PTPRF: variants seen among roughly 807,000 people sequenced by gnomAD.
PTPRF encodes protein tyrosine phosphatase receptor type F, also known as receptor-type tyrosine-protein phosphatase F.
A neutral mutation model predicts 201.8 loss-of-function variants in PTPRF; 59 were observed. The ratio of observed to expected loss-of-function variants is 0.29; its 90% CI spans 0.24 to 0.36. PTPRF has a LOEUF of 0.36. Ranked by LOEUF, PTPRF falls within the 10% of genes least tolerant of loss-of-function variation. PTPRF has a pLI of 1.00. For synonymous variants in PTPRF, 1,088 were observed against 1,089.7 expected (o/e 1.00, Z 0.03); for missense variants, 2,132 against 2,690.5 (o/e 0.79, Z 4.59).
At chr1:43,565,629 C>T (rs1646110676) in intron 5 of PTPRF, among the ~76,000 whole-genome samples, 1 of 152,096 alleles carries the variant, frequency 6.6e-6, no homozygotes, top group South Asian at 2.1e-4. Context: ...GTAGTGCAGA[C>T]GCCCCCGGCG....
intron 9 of PTPRF, 55 bp downstream of exon 9, chr1:43,591,608 T>C (rs779554050): frequency 2.4e-4 from 362 of 1,493,382 alleles, no homozygotes; most frequent in Non-Finnish European, 3.1e-4. Context: ...GAGGCTGAGG[T>C]TGTGGCGGTG....
rs540387262 is a variant in PTPRF, at chr1:43,547,648, C to T, written c.91+2482C>T. Among the ~76,000 whole-genome samples, 4 of 152,342 alleles carry T rather than the reference C, an allele frequency of 2.6e-5. No individual in the cohort carries two copies. In the East Asian group the frequency reaches 5.8e-4, roughly 22 times the overall value. ...AATTGACAGCTGGGGCAGTGAAGCGCGGAGTGGACAAATGTGTTTCAATAG... is the reference window on the plus strand; with the variant it reads ...AATTGACAGCTGGGGCAGTGAAGCGTGGAGTGGACAAATGTGTTTCAATAG... On this transcript the variant is annotated intron_variant, in intron 3 of 33. Transcript: ENST00000359947.
chr1:43,523,417 G>A (rs527290980), upstream of PTPRF, among the ~76,000 whole-genome samples: 4 of 152,148 alleles, frequency 2.6e-5, no homozygotes, highest in Admixed American at 2.6e-4. Flanking sequence ...CAAGGCATGG[G>A]CGTCGAGGGA....
intron 2 of PTPRF, among the ~76,000 whole-genome samples, chr1:43,543,826 G>A (rs988994970): frequency 1.3e-5 from 2 of 152,190 alleles, no homozygotes; most frequent in African/African-American, 2.4e-5. Flanking sequence ...CGTGTTCACC[G>A]TCATGCACTC....
intron 26 of PTPRF, 90 bp downstream of exon 26, chr1:43,618,839 G>A (rs1015184938): frequency 3.2e-6 from 5 of 1,542,012 alleles, no homozygotes; most frequent in Admixed American, 1.8e-5. Flanking sequence ...GGAAGCTGGA[G>A]CCTGGGTGTT....
chr1:43,557,998 C>A (rs1297329055), intron 5 of PTPRF, among the ~76,000 whole-genome samples: 2 of 152,172 alleles, frequency 1.3e-5, no homozygotes, highest in Non-Finnish European at 2.9e-5. Flanking sequence ...CCTCCCCTCC[C>A]TCCTAGGAGG....
chr1:43,604,512 G>A (rs904659581), intron 16 of PTPRF, among the ~76,000 whole-genome samples: 3 of 152,048 alleles, frequency 2.0e-5, no homozygotes, highest in Admixed American at 1.3e-4. Context: ...ATCTCTTGGG[G>A]CCATGACCCA....
intron 23 of PTPRF, 99 bp downstream of exon 23, chr1:43,613,814 G>A: frequency 9.3e-7 from 1 of 1,077,750 alleles, no homozygotes; most frequent in Non-Finnish European, 1.4e-6. Flanking sequence ...GAGGAAGCAG[G>A]GGTCCAGCTT....
At chr1:43,556,045 C>T (rs916661160) in intron 5 of PTPRF, among the ~76,000 whole-genome samples, 3 of 152,204 alleles carry the variant, frequency 2.0e-5, no homozygotes, top group Non-Finnish European at 4.4e-5. Context: ...CTTTCCTGCA[C>T]ATCTTCCCCA....
intron 11 of PTPRF, among the ~76,000 whole-genome samples, chr1:43,596,829 C>A (rs774373107): frequency 6.6e-6 from 1 of 152,186 alleles, no homozygotes; most frequent in Non-Finnish European, 1.5e-5. Context: ...TTGTGTGAGA[C>A]AGCATATGTG....
At position 43,619,743 on chromosome 1, in the gene PTPRF, T is replaced by C; in HGVS notation, c.4996T>C (p.Phe1666Leu). The C allele has an allele frequency of 6.2e-7, 1 of 1,614,206 alleles. No individual in the cohort carries two copies. Among genetic ancestry groups the C allele is most frequent in the Admixed American group, 1.7e-5 (1 of 60,028 alleles). ...CAGCGCCAACCTGCCCTGCAACAAG[T>C]TCAAGAACCGGCTGGTGAACATCAT... ...FISANLPCNKFKNRLVNIMPY... is the reference protein window; with the variant it reads ...FISANLPCNKLKNRLVNIMPY... Residue 1666 changes from phenylalanine (F) to leucine (L), a missense_variant, in exon 29 of 34, where the codon TTC (phenylalanine) becomes CTC (leucine). Phe to Leu is a conservative substitution (Grantham distance 22). Around this residue, in one of 6 missense-constraint regions of PTPRF, gnomAD observed 519 missense variants for 659.5 expected, o/e 0.79. Transcript: ENST00000359947.
At chr1:43,599,458 G>A (rs1653200668) in intron 13 of PTPRF, among the ~76,000 whole-genome samples, 1 of 152,182 alleles carries the variant, frequency 6.6e-6, no homozygotes, top group Non-Finnish European at 1.5e-5. Context: ...TAGAGAGAGT[G>A]CTCCAGGGCT....
intron 2 of PTPRF, 126 bp downstream of exon 2, chr1:43,538,403 A>T: frequency 7.6e-6 from 3 of 396,994 alleles, no homozygotes; most frequent in Middle Eastern, 6.3e-4. Flanking sequence ...AGGGGGCATG[A>T]CATGATCCAG....
chr1:43,575,745 T>C (rs1215269506), intron 6 of PTPRF, among the ~76,000 whole-genome samples: 1 of 152,134 alleles, frequency 6.6e-6, no homozygotes, highest in African/African-American at 2.4e-5. Flanking sequence ...CTCTGCCTGC[T>C]TGCTCACACA....
chr1:43,530,258 T>C (rs190722754), upstream of PTPRF, among the ~76,000 whole-genome samples: 5 of 152,062 alleles, frequency 3.3e-5, no homozygotes, highest in Non-Finnish European at 7.4e-5. This position sits in a 1 kb window ranked among gnomAD's most constrained non-coding sequence, Gnocchi z 4.1. Context: ...TGGAGTTTTA[T>C]GTAAGGCTTG....
intron 2 of PTPRF, among the ~76,000 whole-genome samples, chr1:43,539,908 C>T (rs1644257054): frequency 2.6e-5 from 4 of 152,266 alleles, no homozygotes; most frequent in Admixed American, 2.6e-4. Context: ...ACTCTGAGAT[C>T]CTGAGGCCAG....
chr1:43,619,291 G>C lies in PTPRF; in HGVS notation c.4650G>C (p.Ala1550=), dbSNP rs777794911. ...DAGPMVVHCS[A]GVGRTGCFIV... is the part of the protein sequence containing the mutation. ...AAGCTGAGCCCGTGTCCTGCAGCGC[G>C]GGCGTGGGCCGCACCGGCTGCTTCA... is the stretch of plus-strand genomic sequence containing the variant. Residue 1550 remains alanine, a synonymous_variant, in exon 28 of 34, where the codon GCG becomes GCC. Coordinates refer to ENST00000359947, the MANE Select transcript of PTPRF (RefSeq NM_002840.5). 1.2e-6 allele frequency: 2 copies of C among 1,613,062 alleles called. No individual in the cohort carries two copies. Among genetic ancestry groups the C allele is most frequent in the Non-Finnish European group, 1.7e-6 (2 of 1,179,864 alleles).
At chr1:43,592,280 G>A (rs1254600505) in intron 10 of PTPRF, among the ~76,000 whole-genome samples, 177 bp from the exon 11 acceptor site, 6 of 152,158 alleles carry the variant, frequency 3.9e-5, no homozygotes, top group African/African-American at 1.2e-4. Context: ...TCTGTGAGGT[G>A]TCTGTGGCAT....
intron 1 of PTPRF, among the ~76,000 whole-genome samples, chr1:43,534,394 G>A (rs1364064166): frequency 6.6e-6 from 1 of 152,190 alleles, no homozygotes; most frequent in African/African-American, 2.4e-5. Flanking sequence ...GGGGCAAGAG[G>A]GTGCAGGTAA....
Sources: gnomAD v4.1 joint callset for allele counts (sites outside exome capture counted in the v4.1 genomes callset) on GRCh38, gnomAD v4.1.1 for gene constraint, gnomAD v4.1.1 regional missense constraint, Gnocchi (gnomAD v3.1) non-coding constraint, MANE v1.5 for transcripts, NCBI Gene and HGNC (gene_info 2026-07-23, HGNC 2026-07-21) for gene names.